The following SEMA3A variants were observed in gnomAD, a reference collection of about 807,000 sequenced individuals.
SEMA3A encodes semaphorin 3A.
A neutral mutation model predicts 97.9 loss-of-function variants in SEMA3A; 29 were observed. The ratio of observed to expected loss-of-function variants is 0.30; its 90% CI spans 0.22 to 0.40. SEMA3A has a LOEUF of 0.40. Ranked by LOEUF, SEMA3A falls within the 10% of genes least tolerant of loss-of-function variation. The pLI is 1.00. For missense variants in SEMA3A, 763 were observed against 951.3 expected (o/e 0.80, Z 2.60); for synonymous variants, 321 against 323.7 (o/e 0.99, Z 0.09).
At chr7:84,295,404 G>A (rs1337396681) in intron 3 of SEMA3A, among the ~76,000 whole-genome samples, 4 of 151,796 alleles carry the variant, frequency 2.6e-5, no homozygotes, top group African/African-American at 9.7e-5. Context: ...CTTTTGCTTG[G>A]GGCAAAATTT....
intron 1 of SEMA3A, among the ~76,000 whole-genome samples, chr7:84,461,166 C>T (rs1215423156): frequency 2.0e-5 from 3 of 151,964 alleles, no homozygotes; most frequent in Non-Finnish European, 4.4e-5. Flanking sequence ...AGACAGGATC[C>T]TCTACACATG....
intron 2 of SEMA3A, among the ~76,000 whole-genome samples, chr7:84,321,320 G>C (rs1167927899): frequency 6.6e-6 from 1 of 152,102 alleles, no homozygotes; most frequent in Non-Finnish European, 1.5e-5. Flanking sequence ...TACATGATTT[G>C]TGAAACAAAA....
chr7:84,302,831 T>C (rs1366714328), intron 3 of SEMA3A, among the ~76,000 whole-genome samples: 1 of 152,166 alleles, frequency 6.6e-6, no homozygotes, highest in Admixed American at 6.5e-5. Flanking sequence ...TGTTTGGGGA[T>C]CTTGGTTTCT....
In SEMA3A at chr7:83,994,900, C is replaced by T. The variant is rs1027428266; in HGVS notation, c.1452+7055G>A. Among the ~76,000 whole-genome samples, 11 of 152,202 alleles carry T rather than the reference C, an allele frequency of 7.2e-5. No individual in the cohort carries two copies. In the South Asian group the frequency reaches 1.0e-3, roughly 14 times the overall value. On this transcript the variant is annotated intron_variant, in intron 12 of 16. Transcript: ENST00000265362. ...CTAATCAAGCCTGGGCAATGGCGGG[C>T]ACCCCTCCCCCAGCCTAGCTGCCGC...
At chr7:83,995,419 T>G (rs1584522270) in intron 12 of SEMA3A, among the ~76,000 whole-genome samples, 1 of 152,156 alleles carries the variant, frequency 6.6e-6, no homozygotes, top group Admixed American at 6.5e-5. Context: ...CTGTGTCATA[T>G]TAAGATTTTA....
At chr7:84,268,343 G>T (rs1800063006) in intron 3 of SEMA3A, among the ~76,000 whole-genome samples, 1 of 150,402 alleles carries the variant, frequency 6.6e-6, no homozygotes, top group African/African-American at 2.4e-5. Context: ...TTTCCCTTTG[G>T]AGTCCCAAGG....
rs6974519 is a variant in SEMA3A, at chr7:84,150,995, T to A, written c.113-16044A>T. Among the ~76,000 whole-genome samples, 152 of 143,136 alleles carry A rather than the reference T, an allele frequency of 1.1e-3. 1 individual carries two copies. The highest frequency in any genetic ancestry group is 1.7e-3 in the Non-Finnish European group (110 of 64,156). 93.9% of individuals were successfully genotyped at this position (143,136 alleles called of 152,430 possible). A position where few individuals can be genotyped will look rare whatever the true frequency, so the allele number is the denominator to read the frequency against. On this transcript the variant is annotated intron_variant, in intron 1 of 16. Coordinates refer to ENST00000265362, the MANE Select transcript of SEMA3A (RefSeq NM_006080.3). ...GCAGGGGCACACTGACACCTCACAC[T>A]GCAGGGTACTCCAACAGACCTGCAG... is the stretch of plus-strand genomic sequence containing the variant.
intron 1 of SEMA3A, among the ~76,000 whole-genome samples, chr7:84,141,827 C>G (rs1217526614): frequency 6.6e-6 from 1 of 152,044 alleles, no homozygotes; most frequent in Non-Finnish European, 1.5e-5. Flanking sequence ...AAGGATAATG[C>G]CCTCCAACTC....
Position 84,180,509 on chromosome 7 carries a change from A to G in SEMA3A, c.112+13966T>C, listed in dbSNP as rs1372053602. On this transcript the variant is annotated intron_variant, in intron 1 of 16. Transcript: ENST00000265362. ...TTGAGACCAACCTGGCCAACATGGT[A>G]AAACTCCATCTCTACTAAAAATACA... Among the ~76,000 whole-genome samples the G allele has an allele frequency of 4.0e-5, 6 of 151,786 alleles. 1 individual carries two copies. Among genetic ancestry groups the G allele is most frequent in the African/African-American group, 1.5e-4 (6 of 41,362 alleles).
At chr7:83,972,589 A>T (rs570872201) in intron 15 of SEMA3A, among the ~76,000 whole-genome samples, 6 of 152,210 alleles carry the variant, frequency 3.9e-5, no homozygotes, top group Non-Finnish European at 7.4e-5. Flanking sequence ...GATGGAAAAC[A>T]CCCATTTGCT....
intron 3 of SEMA3A, among the ~76,000 whole-genome samples, chr7:84,209,615 A>C (rs532229018): frequency 5.9e-5 from 9 of 152,326 alleles, no homozygotes; most frequent in African/African-American, 2.2e-4. Context: ...TGTATCACTT[A>C]AATTACTGGC....
chr7:84,198,983 G>C (rs1798296845), upstream of SEMA3A, among the ~76,000 whole-genome samples: 1 of 152,054 alleles, frequency 6.6e-6, no homozygotes, highest in Non-Finnish European at 1.5e-5. Context: ...TATCTTTTCA[G>C]GTATTGGATG....
At chr7:84,393,314 T>C (rs1803636447) in intron 1 of SEMA3A, among the ~76,000 whole-genome samples, 1 of 152,126 alleles carries the variant, frequency 6.6e-6, no homozygotes, top group Non-Finnish European at 1.5e-5. Context: ...TTTTCCATTG[T>C]TTATTCTTGG....
chr7:84,078,370 T>C (rs1232264772), intron 4 of SEMA3A, among the ~76,000 whole-genome samples: 1 of 152,098 alleles, frequency 6.6e-6, no homozygotes, highest in African/African-American at 2.4e-5. Context: ...TTATTTTGCA[T>C]TTTTAAAAAA....
At chr7:84,335,177 C>T (rs1802006862) in intron 2 of SEMA3A, among the ~76,000 whole-genome samples, 2 of 151,930 alleles carry the variant, frequency 1.3e-5, no homozygotes, top group Admixed American at 1.3e-4. Flanking sequence ...GTATTTTTCT[C>T]TACTATTAAT....
At chr7:84,041,905 C>T (rs757533046) in intron 6 of SEMA3A, among the ~76,000 whole-genome samples, 11 of 152,004 alleles carry the variant, frequency 7.2e-5, no homozygotes, top group Non-Finnish European at 1.0e-4. Flanking sequence ...ACTAGATGAT[C>T]TGTTTTAGTT....
rs1801128287 is a variant in SEMA3A at position 84,305,342 on chromosome 7, G to C, written c.-83+1865C>G. On this transcript the variant is annotated intron_variant, in intron 3 of 3. Coordinates refer to the SEMA3A transcript ENST00000424555. ...AACCAATTGATATTTATGTATCCTAGCTTATATGTGTGTTACCCAAAACTT... is the reference window on the plus strand; with the variant it reads ...AACCAATTGATATTTATGTATCCTACCTTATATGTGTGTTACCCAAAACTT... Among the ~76,000 whole-genome samples, 3 of 151,376 alleles carry C rather than the reference G, an allele frequency of 2.0e-5. No individual in the cohort carries two copies. The South Asian group carries it at 6.3e-4, about 32-fold the overall frequency.
intron 3 of SEMA3A, among the ~76,000 whole-genome samples, chr7:84,288,103 A>G (rs1023056482): frequency 6.6e-6 from 1 of 152,026 alleles, no homozygotes; most frequent in Non-Finnish European, 1.5e-5. Context: ...AAATGTTTAC[A>G]TAGTTAATCT....
chr7:84,303,646 G>T (rs114463458), intron 3 of SEMA3A, among the ~76,000 whole-genome samples: 14 of 152,178 alleles, frequency 9.2e-5, no homozygotes, highest in South Asian at 4.2e-4. Flanking sequence ...TGATGCAGAA[G>T]TGATAGACAT....
Sources: allele counts gnomAD v4.1 joint callset (sites outside exome capture counted in the v4.1 genomes callset), GRCh38; gene constraint gnomAD v4.1.1; transcripts MANE v1.5; gene names NCBI Gene and HGNC (gene_info 2026-07-23, HGNC 2026-07-21).